The following FYB2 variants were observed in gnomAD, a reference collection of about 807,000 sequenced individuals.
The protein encoded by FYB2 is FYN binding protein 2, also known as FYN-binding protein 2.
In FYB2, 103 loss-of-function variants were observed where a neutral mutation model predicts 94.1. The ratio of observed to expected loss-of-function variants is 1.09; its 90% CI spans 0.93 to 1.29. The LOEUF (loss-of-function observed/expected upper bound fraction) is 1.29. Ranked by LOEUF, FYB2 falls within the 50% of genes most tolerant of loss-of-function variation. The pLI is 0.00. For missense variants in FYB2, 896 were observed against 841.5 expected, an observed-to-expected ratio of 1.06 and a Z score of -0.80; for synonymous variants, 293 against 287.9, an observed-to-expected ratio of 1.02 and a Z score of -0.18.
intron 1 of FYB2, among the ~76,000 whole-genome samples, chr1:56,801,921 C>T (rs1646530978): frequency 6.6e-6 from 1 of 152,162 alleles, no homozygotes; most frequent in African/African-American, 2.4e-5. Context: ...TTTATTTGTA[C>T]CAGAGGCAGA....
At chr1:56,780,482 G>C (rs1309123211) in intron 4 of FYB2, among the ~76,000 whole-genome samples, 1 of 152,162 alleles carries the variant, frequency 6.6e-6, no homozygotes, top group Non-Finnish European at 1.5e-5. Context: ...GGCAGCCTGG[G>C]GTGATAGTTG....
At chr1:56,741,919 C>T (rs1644962940) in intron 12 of FYB2, among the ~76,000 whole-genome samples, 1 of 152,012 alleles carries the variant, frequency 6.6e-6, no homozygotes, top group African/African-American at 2.4e-5. Flanking sequence ...AAAGCGAGAA[C>T]AATGTGATTT....
intron 15 of FYB2, among the ~76,000 whole-genome samples, chr1:56,729,902 T>G (rs886066874): frequency 6.6e-5 from 10 of 151,974 alleles, no homozygotes; most frequent in Non-Finnish European, 1.3e-4. Context: ...AACAAATATA[T>G]GGAAATTAAA....
intron 1 of FYB2, among the ~76,000 whole-genome samples, chr1:56,797,072 C>G (rs1033385195): frequency 6.6e-6 from 1 of 152,092 alleles, no homozygotes; most frequent in Non-Finnish European, 1.5e-5. Context: ...GCTTATGATG[C>G]AAACCTGGTT....
At chr1:56,770,853 A>T (rs564309119) in intron 4 of FYB2, among the ~76,000 whole-genome samples, 1 of 152,326 alleles carries the variant, frequency 6.6e-6, no homozygotes, top group East Asian at 1.9e-4. Flanking sequence ...TGAAGAGTCA[A>T]ATTGAATAGC....
rs1035361202 is a variant in FYB2 at position 56,787,164 on chromosome 1, C to T, written c.953+11G>A. 6.2e-7 allele frequency: 1 copy of T among 1,613,886 alleles called. No individual in the cohort carries two copies. ...GCTACGTTCCTACACAACTAAGGAG[C>T]ATGTACTTACCTCTCTGGAGACAGG... On this transcript the variant is annotated intron_variant, in intron 4 of 19. Coordinates refer to ENST00000343433, the MANE Select transcript of FYB2 (RefSeq NM_001004303.5).
At chr1:56,793,738 GAA>G (rs61663036) in intron 1 of FYB2, among the ~76,000 whole-genome samples, 61,038 of 80,960 alleles carry the variant, frequency 0.75, 22,538 homozygotes, top group South Asian at 0.86. Context: ...AACGAAAGTT[GAA>G]AAAAAAAAAA....
intron 14 of FYB2, 78 bp downstream of exon 14, chr1:56,738,547 G>T (rs931750650): frequency 2.6e-5 from 36 of 1,407,316 alleles, no homozygotes; most frequent in African/African-American, 2.9e-5. Context: ...TGCAGGAAGG[G>T]TTACCATTTC....
intron 12 of FYB2, among the ~76,000 whole-genome samples, chr1:56,741,264 A>C (rs1644945996): frequency 6.6e-6 from 1 of 152,236 alleles, no homozygotes; most frequent in East Asian, 1.9e-4. Flanking sequence ...GAAGGGAGTA[A>C]TGATATTTCA....
At position 56,789,447 on chromosome 1, in the gene FYB2, C is replaced by T. The variant is rs578158351; in HGVS notation, c.758-313G>A. 1.6e-4 allele frequency among the ~76,000 whole-genome samples: 24 copies of T among 152,318 alleles called. No individual in the cohort carries two copies. The South Asian group carries it at 4.6e-3, about 29-fold the overall frequency. Reference sequence around the variant, plus strand: ...TTAAAGCCCAAATATTTTTCACACACATCACTGGCTTCTCCATTCTCCGTA... The same window carrying T: ...TTAAAGCCCAAATATTTTTCACACATATCACTGGCTTCTCCATTCTCCGTA... On this transcript the variant is annotated intron_variant, in intron 2 of 19. Transcript: ENST00000343433.
chr1:56,807,162 C>A lies in FYB2; in HGVS notation c.9+12120G>T, dbSNP rs1646666498. ...CCCTGCTGCCCTCTCCTGCTGCAGA[C>A]AGAACAGTCACTCAGTGTCTTTTAG... On this transcript the variant is annotated intron_variant, in intron 1 of 19. Coordinates refer to ENST00000343433, the MANE Select transcript of FYB2 (RefSeq NM_001004303.5). Among the ~76,000 whole-genome samples the A allele has an allele frequency of 1.3e-5, 2 of 152,128 alleles. 1 individual carries two copies. The highest frequency in any genetic ancestry group is 4.1e-4 in the South Asian group (2 of 4,826).
intron 9 of FYB2, among the ~76,000 whole-genome samples, chr1:56,748,262 T>C (rs1252742228): frequency 3.3e-5 from 5 of 152,132 alleles, no homozygotes; most frequent in Non-Finnish European, 7.4e-5. Context: ...TAGATCCCAT[T>C]GGTCAATTTT....
rs1011305224 is a variant in FYB2 at position 56,718,813 on chromosome 1, A to G, written c.*858T>C. Reference sequence around the variant, plus strand: ...ATTTTAAACTGTTAAATGCATATGTAGAATTTATTTCTCTTATTGACATGC... The same window carrying G: ...ATTTTAAACTGTTAAATGCATATGTGGAATTTATTTCTCTTATTGACATGC... On this transcript the variant is annotated 3_prime_UTR_variant, in exon 20 of 20. Coordinates refer to ENST00000343433, the MANE Select transcript of FYB2 (RefSeq NM_001004303.5). The G allele has an allele frequency of 2.0e-5, 3 of 152,632 alleles. No homozygotes were observed. The highest frequency in any genetic ancestry group is 7.2e-5 in the African/African-American group (3 of 41,454). 9.5% of individuals were successfully genotyped at this position (152,632 alleles called of 1,614,324 possible).
chr1:56,751,080 C>T lies in FYB2; in HGVS notation c.1351G>A (p.Glu451Lys). Residue 451 changes from glutamate (E) to lysine (K), a missense_variant, in exon 9 of 20, where the codon GAG becomes AAG. Coordinates refer to ENST00000343433, the MANE Select transcript of FYB2 (RefSeq NM_001004303.5). Reference protein sequence around the residue: ...IDIIQTNPCPEGPKLARHSQG... With the variant: ...IDIIQTNPCPKGPKLARHSQG... ...GAGTGCCTGGCCAGCTTTGGGCCCT[C>T]AGGGCAGGGATTTGTCTGGATGATG... 4 of 1,612,778 alleles carry T rather than the reference C, an allele frequency of 2.5e-6. No homozygotes were observed. The highest frequency in any genetic ancestry group is 2.5e-6 in the Non-Finnish European group (3 of 1,179,188).
intron 4 of FYB2, among the ~76,000 whole-genome samples, chr1:56,780,526 C>G (rs1478981630): frequency 6.6e-6 from 1 of 152,186 alleles, no homozygotes; most frequent in African/African-American, 2.4e-5. Context: ...CTGACCAGGT[C>G]AAGCCCTGGT....
chr1:56,718,855 A>AAAAC lies in FYB2; in HGVS notation c.*812_*815dup, dbSNP rs1199781663. 6.6e-6 allele frequency: 1 copy of AAAAC among 152,632 alleles called. No homozygotes were observed. Among genetic ancestry groups the AAAAC allele is most frequent in the African/African-American group, 2.4e-5 (1 of 41,466 alleles). The allele number at this position is 152,632 out of a possible 1,614,324, so 9.5% of individuals were successfully genotyped here. ...TTGACATGCAGTGCACCTCATTTAA[A>AAAAC]AAACAGAATAGATGTCAGCTTTTAA... On this transcript the variant is annotated 3_prime_UTR_variant, in exon 20 of 20. Transcript: ENST00000343433.
chr1:56,804,352 A>G (rs1173922239), intron 1 of FYB2, among the ~76,000 whole-genome samples: 2 of 152,222 alleles, frequency 1.3e-5, no homozygotes, highest in Non-Finnish European at 2.9e-5. Context: ...TTCTGGAGTA[A>G]TAACCTCCTG....
chr1:56,738,733 A>G, intron 13 of FYB2, 80 bp from the exon 14 acceptor site: 1 of 1,430,900 alleles, frequency 7.0e-7, no homozygotes, highest in Non-Finnish European at 9.7e-7. Context: ...CTCCAATAAC[A>G]TATTGATGAT....
chr1:56,724,562 T>C (rs1454353500), intron 16 of FYB2, among the ~76,000 whole-genome samples: 5 of 152,040 alleles, frequency 3.3e-5, no homozygotes, highest in Non-Finnish European at 5.9e-5. Flanking sequence ...CTTCCTCAAA[T>C]TCATTGGTGT....
Sources: gnomAD v4.1 joint callset for allele counts (sites outside exome capture counted in the v4.1 genomes callset) on GRCh38, gnomAD v4.1.1 for gene constraint, MANE v1.5 for transcripts, NCBI Gene and HGNC (gene_info 2026-07-23, HGNC 2026-07-21) for gene names.